RYR1: variants seen among roughly 807,000 people sequenced by gnomAD.
RYR1 encodes ryanodine receptor 1.
A neutral mutation model predicts 583.5 loss-of-function variants in RYR1; 342 were observed. The ratio of observed to expected loss-of-function variants is 0.59; its 90% confidence interval spans 0.54 to 0.64. The LOEUF is 0.64. Ranked by LOEUF, RYR1 falls within the 30% of genes least tolerant of loss-of-function variation. The pLI, the probability that RYR1 is intolerant of heterozygous loss-of-function variation, is 0.00. For missense variants in RYR1, 6,032 were observed against 6,917.2 expected (o/e 0.87, Z 4.54); for synonymous variants, 2,791 against 2,822.5 (o/e 0.99, Z 0.35).
intron 31 of RYR1, among the ~76,000 whole-genome samples, chr19:38,482,612 C>T (rs1406390533): frequency 2.0e-5 from 3 of 151,970 alleles, no homozygotes; most frequent in South Asian, 2.1e-4. Context: ...CGCCATGCCT[C>T]GCTAATTTTT....
intron 89 of RYR1, among the ~76,000 whole-genome samples, chr19:38,555,758 C>T (rs1197089892): frequency 1.3e-5 from 2 of 152,108 alleles, no homozygotes; most frequent in African/African-American, 4.8e-5. Context: ...TCTTGCTTCC[C>T]CTCTATTATC....
chr19:38,503,245 G>C (rs1970283962), intron 49 of RYR1, among the ~76,000 whole-genome samples: 4 of 152,104 alleles, frequency 2.6e-5, no homozygotes, highest in Admixed American at 2.6e-4. Flanking sequence ...GCATATATTT[G>C]CATGGAGCAC....
chr19:38,528,255 G>A, intron 73 of RYR1, 51 bp from the exon 74 acceptor site: 1 of 1,495,126 alleles, frequency 6.7e-7, no homozygotes, highest in Non-Finnish European at 9.3e-7. Context: ...AGGGCTGGGA[G>A]TGAGAGGGGC....
At chr19:38,576,980 G>T (rs1166383228) in intron 97 of RYR1, among the ~76,000 whole-genome samples, 1 of 151,902 alleles carries the variant, frequency 6.6e-6, no homozygotes, top group East Asian at 2.0e-4. Context: ...CCACCTCCCG[G>T]GTTCAAGCGA....
At chr19:38,436,069 G>T (rs762994965) in intron 1 of RYR1, among the ~76,000 whole-genome samples, 1 of 151,298 alleles carries the variant, frequency 6.6e-6, no homozygotes, top group African/African-American at 2.4e-5. Flanking sequence ...CCACCAAGCC[G>T]AGCTAATTTT....
intron 31 of RYR1, among the ~76,000 whole-genome samples, chr19:38,480,462 C>G (rs993363570): frequency 2.0e-5 from 3 of 152,108 alleles, no homozygotes; most frequent in African/African-American, 4.8e-5. Context: ...CTTTTTATAT[C>G]TACTTCCCTT....
Position 38,573,317 on chromosome 19 carries a change from C to T in RYR1, c.14129+10C>T, listed in dbSNP as rs546280470. On this transcript the variant is annotated intron_variant, in intron 96 of 105. Transcript: ENST00000359596. Reference sequence around the variant, plus strand: ...TGGTGCTCAACACGCCGTAAGGACCCAGCCCCCACCTCAGGGTGGCAGCAG... The same window carrying T: ...TGGTGCTCAACACGCCGTAAGGACCTAGCCCCCACCTCAGGGTGGCAGCAG... The T allele has an allele frequency of 6.8e-6, 11 of 1,612,556 alleles. No individual in the cohort carries two copies. In the East Asian group the frequency reaches 1.8e-4, roughly 26 times the overall value.
intron 72 of RYR1, 151 bp from the exon 73 acceptor site, chr19:38,527,496 C>G: frequency 2.0e-6 from 2 of 1,012,886 alleles, no homozygotes; most frequent in Admixed American, 2.1e-5. Flanking sequence ...GGTGATGGGG[C>G]GAGGCTCCGT....
At chr19:38,574,441 G>C (rs1034554204) in intron 96 of RYR1, among the ~76,000 whole-genome samples, 1 of 151,420 alleles carries the variant, frequency 6.6e-6, no homozygotes, top group Non-Finnish European at 1.5e-5. Flanking sequence ...AACATAGAGA[G>C]ACCTATATCT....
rs2145638568 is a variant in RYR1, at chr19:38,506,926, G to T, written c.8790G>T (p.Leu2930=). 2 of 1,612,996 alleles carry T rather than the reference G, an allele frequency of 1.2e-6. No individual in the cohort carries two copies. The highest frequency in any genetic ancestry group is 8.5e-7 in the Non-Finnish European group (1 of 1,180,044). Residue 2930 remains leucine (L), a synonymous_variant, in exon 57 of 106, where the codon CTG becomes CTT. Transcript: ENST00000359596. ...AGGCCCAGGAGCTACTGAAATTCCT[G>T]CAGATGAATGGCTACGCGGTTACAA... ...REKAQELLKF[L]QMNGYAVTRG...
Position 38,577,939 on chromosome 19 carries a change from A to C in RYR1, c.14194A>C (p.Ile4732Leu), listed in dbSNP as rs1387825535. The C allele has an allele frequency of 3.1e-6, 5 of 1,614,044 alleles. No homozygotes were observed. Among genetic ancestry groups the C allele is most frequent in the Non-Finnish European group, 4.2e-6 (5 of 1,180,042 alleles). The change falls in exon 98 of 106, where the codon ATC becomes CTC. Residue 4732 changes from isoleucine to leucine, a missense_variant. Ile to Leu is a conservative substitution (Grantham distance 5, BLOSUM62 2). Coordinates refer to ENST00000359596, the MANE Select transcript of RYR1 (RefSeq NM_000540.3). ...KRKVLDKHGD[I>L]YGRERIAELL... ...GCAGGTCCTGGACAAACATGGGGAC[A>C]TCTACGGGCGGGAGCGGATTGCTGA...
intron 23 of RYR1, among the ~76,000 whole-genome samples, chr19:38,465,838 T>C (rs977143829): frequency 1.3e-5 from 2 of 151,844 alleles, no homozygotes; most frequent in Non-Finnish European, 2.9e-5. Flanking sequence ...GGGTTAGAGA[T>C]AGGGGTCCCA....
At chr19:38,530,987 C>CTTTTTTTT (rs59244176) in intron 76 of RYR1, among the ~76,000 whole-genome samples, 211 of 129,358 alleles carry the variant, frequency 1.6e-3, no homozygotes, top group Non-Finnish European at 1.8e-3. Context: ...TTTTCTTTCT[C>CTTTTTTTT]TTTTTTTTTT....
intron 1 of RYR1, among the ~76,000 whole-genome samples, chr19:38,437,321 G>A (rs4801752): frequency 0.57 from 86,093 of 151,858 alleles, 25,601 homozygotes; most frequent in Middle Eastern, 0.67. Context: ...AAAGTGCTGG[G>A]ATTACAGGAA....
intron 1 of RYR1, among the ~76,000 whole-genome samples, chr19:38,439,132 C>T (rs568166459): frequency 9.9e-5 from 15 of 152,240 alleles, no homozygotes; most frequent in Non-Finnish European, 1.6e-4. Context: ...AGGCCCAGAG[C>T]ATAAGGCCTG....
At chr19:38,522,739 C>T (rs746385516) in intron 67 of RYR1, among the ~76,000 whole-genome samples, 2 of 151,952 alleles carry the variant, frequency 1.3e-5, no homozygotes, top group Non-Finnish European at 2.9e-5. Context: ...CACGTAAGGT[C>T]AAGAGTTCAA....
In RYR1 at chr19:38,500,048, G is replaced by C. The variant is rs1354104700; in HGVS notation, c.7323+32G>C. The C allele has an allele frequency of 1.2e-6, 2 of 1,600,590 alleles. No homozygotes were observed. The highest frequency in any genetic ancestry group is 2.7e-5 in the African/African-American group (2 of 74,674). On this transcript the variant is annotated intron_variant, in intron 45 of 105. Transcript: ENST00000359596. The surrounding 1 kb of genome is among the most constrained non-coding windows in gnomAD (Gnocchi z 5.9). The stretch of plus-strand genomic sequence containing the variant: ...CCCTGAGCCAGGGCAGGATGGGAAG[G>C]GAGGGCAGGCACAGCCGCTTTGAAC...
intron 70 of RYR1, 122 bp from the exon 71 acceptor site, chr19:38,525,210 G>A (rs1971412665): frequency 1.2e-5 from 13 of 1,127,002 alleles, no homozygotes; most frequent in South Asian, 1.1e-4. Flanking sequence ...AGGTGTCGTC[G>A]GCAGTTGGGG....
At position 38,478,591 on chromosome 19, in the gene RYR1, CT is replaced by C; in HGVS notation, c.4616del (p.Phe1539SerfsTer61). On this transcript the variant is annotated frameshift_variant, in exon 31 of 106. Coordinates refer to ENST00000359596, the MANE Select transcript of RYR1 (RefSeq NM_000540.3). LOFTEE classifies it high-confidence loss of function. The part of the protein sequence containing the change: ...FTANGKESNT[F>X]FQVEPNTKLF... ...CAGCCAATGGCAAAGAGAGCAACACCTTTTTCCAGGTGAGTCCAGGCCACAG... is the reference window on the plus strand; with the variant it reads ...CAGCCAATGGCAAAGAGAGCAACACCTTTTCCAGGTGAGTCCAGGCCACAG... 1 of 1,611,984 alleles carries C rather than the reference CT, an allele frequency of 6.2e-7. No individual in the cohort carries two copies.
Sources: allele counts gnomAD v4.1 joint callset (sites outside exome capture counted in the v4.1 genomes callset), GRCh38; gene constraint gnomAD v4.1.1; non-coding constraint Gnocchi (gnomAD v3.1); transcripts MANE v1.5; gene names NCBI Gene and HGNC (gene_info 2026-07-23, HGNC 2026-07-21).